PSMD1: variants seen among roughly 807,000 people sequenced by gnomAD.
PSMD1 encodes the protein 26S proteasome non-ATPase regulatory subunit 1.
PSMD1 carries 18 observed loss-of-function variants against 119.0 expected under a neutral mutation model. The ratio of observed to expected loss-of-function variants is 0.15; its 90% CI spans 0.10 to 0.22. The LOEUF (loss-of-function observed/expected upper bound fraction) is 0.22. Among genes scored for constraint, PSMD1 ranks in the 10% least tolerant of loss-of-function variants. PSMD1 has a pLI of 1.00. For missense variants in PSMD1, 702 were observed against 1,158.5 expected (o/e 0.61, Z 5.72); for synonymous variants, 374 against 396.6 (o/e 0.94, Z 0.68).
chr2:231,097,761 C>T (rs1694759809), intron 16 of PSMD1, among the ~76,000 whole-genome samples: 1 of 152,084 alleles, frequency 6.6e-6, no homozygotes, highest in South Asian at 2.1e-4. Context: ...AGTCGAAAGA[C>T]CCATAGGGGG....
At chr2:231,074,545 T>A (rs1439050693) in intron 7 of PSMD1, among the ~76,000 whole-genome samples, 2 of 152,080 alleles carry the variant, frequency 1.3e-5, no homozygotes, top group Non-Finnish European at 2.9e-5. Flanking sequence ...TATTTCTGAT[T>A]TTCTCTAGTT....
At chr2:231,148,607 G>T (rs1469443918) in intron 18 of PSMD1, among the ~76,000 whole-genome samples, 9 of 152,182 alleles carry the variant, frequency 5.9e-5, no homozygotes, top group Non-Finnish European at 1.2e-4. Context: ...AAACTGGGTA[G>T]ATAAATGTAA....
At chr2:231,113,896 G>A in intron 16 of PSMD1, 1 of 1,614,108 alleles carries the variant, frequency 6.2e-7, no homozygotes, top group Non-Finnish European at 8.5e-7. Context: ...TAACCAGGCA[G>A]GACATAGAAC....
rs371574183 is a variant in PSMD1, at chr2:231,114,510, A to C, written c.1884-24226A>C. On this transcript the variant is annotated intron_variant, in intron 16 of 24. Coordinates refer to ENST00000308696, the MANE Select transcript of PSMD1 (RefSeq NM_002807.4). ...ATAGTTCTCAAATAAAGATTGCAAA[A>C]GGAATGGCTTCAGATTATCCGGAAG... is the stretch of plus-strand genomic sequence containing the variant. 4.6e-5 allele frequency among the ~76,000 whole-genome samples: 7 copies of C among 152,350 alleles called. No individual in the cohort carries two copies. In the East Asian group the frequency reaches 9.6e-4, roughly 21 times the overall value.
At chr2:231,080,374 G>A in intron 12 of PSMD1, 60 bp downstream of exon 12, 1 of 1,358,536 alleles carries the variant, frequency 7.4e-7, no homozygotes, top group Non-Finnish European at 9.9e-7. Context: ...TAACATATTT[G>A]CCACATTATT....
chr2:231,162,602 G>A (rs373282526), intron 20 of PSMD1, among the ~76,000 whole-genome samples: 3 of 152,310 alleles, frequency 2.0e-5, no homozygotes, highest in East Asian at 3.9e-4. Flanking sequence ...GGATGGAGAA[G>A]ATAAGGTTCT....
chr2:231,091,533 A>T (rs1694593012), intron 16 of PSMD1, among the ~76,000 whole-genome samples: 1 of 152,190 alleles, frequency 6.6e-6, no homozygotes. Flanking sequence ...GCAGCAGCAG[A>T]TTTGTTAGGC....
At chr2:231,151,008 T>C (rs1234764224) in intron 18 of PSMD1, among the ~76,000 whole-genome samples, 1 of 152,210 alleles carries the variant, frequency 6.6e-6, no homozygotes, top group Non-Finnish European at 1.5e-5. Flanking sequence ...ACATGATGAA[T>C]GTTTAAAATG....
At chr2:231,069,119 T>TG (rs1349274805) in intron 5 of PSMD1, among the ~76,000 whole-genome samples, 1 of 151,786 alleles carries the variant, frequency 6.6e-6, no homozygotes, top group Middle Eastern at 3.2e-3. Context: ...AACACTTCAT[T>TG]GGGGAATCTA....
At chr2:231,127,337 G>A (rs193082944) in intron 16 of PSMD1, among the ~76,000 whole-genome samples, 8 of 151,198 alleles carry the variant, frequency 5.3e-5, no homozygotes, top group Admixed American at 5.3e-4. Context: ...GTAGAGACTT[G>A]TACCTTTTTT....
At chr2:231,065,628 G>A (rs920410552) in intron 4 of PSMD1, among the ~76,000 whole-genome samples, 1 of 152,168 alleles carries the variant, frequency 6.6e-6, no homozygotes, top group African/African-American at 2.4e-5. Context: ...CCTTATGAAG[G>A]TGGAAGGCTT....
intron 23 of PSMD1, among the ~76,000 whole-genome samples, chr2:231,168,336 C>G (rs1396001153): frequency 6.6e-6 from 1 of 152,132 alleles, no homozygotes; most frequent in Admixed American, 6.6e-5. Flanking sequence ...GAAAACTGTG[C>G]CCACACAAAA....
At chr2:231,078,612 A>G (rs1489205566) in intron 9 of PSMD1, 47 bp from the exon 10 acceptor site, 7 of 1,458,740 alleles carry the variant, frequency 4.8e-6, no homozygotes, top group Non-Finnish European at 5.7e-6. Context: ...GTGTGCATAT[A>G]TGAATACTTT....
intron 16 of PSMD1, among the ~76,000 whole-genome samples, chr2:231,102,376 C>T (rs1694888431): frequency 6.6e-6 from 1 of 152,074 alleles, no homozygotes; most frequent in Non-Finnish European, 1.5e-5. Flanking sequence ...ATCACTGACC[C>T]CACAACTCTT....
chr2:231,061,428 GTT>G, intron 2 of PSMD1, 118 bp downstream of exon 2: 1 of 797,656 alleles, frequency 1.3e-6, no homozygotes. Flanking sequence ...CTTGTACCCA[GTT>G]ACTGTAACCT....
At chr2:231,158,590 G>C (rs1346750340) in intron 19 of PSMD1, among the ~76,000 whole-genome samples, 1 of 152,202 alleles carries the variant, frequency 6.6e-6, no homozygotes, top group Non-Finnish European at 1.5e-5. Context: ...AGGAAATTCA[G>C]CTTCAAAGTT....
At chr2:231,161,802 A>G (rs1418154455) in intron 20 of PSMD1, among the ~76,000 whole-genome samples, 2 of 152,254 alleles carry the variant, frequency 1.3e-5, no homozygotes, top group African/African-American at 4.8e-5. Context: ...ACTCTGATGA[A>G]TTTTATTTAA....
intron 16 of PSMD1, among the ~76,000 whole-genome samples, chr2:231,136,913 C>G (rs935211367): frequency 6.9e-6 from 1 of 145,284 alleles, no homozygotes; most frequent in Non-Finnish European, 1.5e-5. Context: ...TAGTTTATGC[C>G]GCTTTGCCAC....
chr2:231,109,141 A>G, intron 16 of PSMD1: 1 of 1,614,110 alleles, frequency 6.2e-7, no homozygotes, highest in South Asian at 1.1e-5. Context: ...GTGACGAGCA[A>G]GGTGTTTCAT....
Sources: allele counts gnomAD v4.1 joint callset (sites outside exome capture counted in the v4.1 genomes callset), GRCh38; gene constraint gnomAD v4.1.1; transcripts MANE v1.5; gene names NCBI Gene and HGNC (gene_info 2026-07-23, HGNC 2026-07-21).